The following MRC1 variants were observed in gnomAD, a reference collection of about 807,000 sequenced individuals.
The protein encoded by MRC1 is macrophage mannose receptor 1.
Under a neutral mutation model 102.9 loss-of-function variants are expected in MRC1, and 62 were observed. That is an observed-to-expected ratio of 0.60 (90% confidence interval 0.49 to 0.74). The LOEUF (loss-of-function observed/expected upper bound fraction) is 0.74. MRC1 is among the 30% of genes least tolerant of loss of function. MRC1 has a pLI of 0.00. For missense variants in MRC1, 1,237 were observed against 862.8 expected, an observed-to-expected ratio of 1.43 and a Z score of -5.43; for synonymous variants, 457 against 298.4, an observed-to-expected ratio of 1.53 and a Z score of -5.48.
intron 3 of MRC1, among the ~76,000 whole-genome samples, chr10:17,829,788 A>G (rs908217835): frequency 2.0e-5 from 3 of 151,510 alleles, no homozygotes; most frequent in Non-Finnish European, 4.4e-5. Flanking sequence ...AGTTAGATGA[A>G]TGTGTGATTT....
In MRC1 at chr10:17,878,090, A is replaced by T. The variant is rs1457705577; in HGVS notation, c.2618+123A>T. 9.0e-6 allele frequency: 6 copies of T among 670,134 alleles called. No homozygotes were observed. In the African/African-American group the frequency reaches 1.1e-4, roughly 12 times the overall value. The allele number at this position is 670,134 out of a possible 1,614,324, so 41.5% of individuals were successfully genotyped here. A position where few individuals can be genotyped will look rare whatever the true frequency, so the allele number is the denominator to read the frequency against. ...AAAATCCTACAGCATTCTCAATTGA[A>T]AAAGCAACTTGAAAAAAGGAATTTA... On this transcript the variant is annotated intron_variant, in intron 18 of 29. Transcript: ENST00000569591.
intron 8 of MRC1, among the ~76,000 whole-genome samples, chr10:17,854,029 G>A (rs1433809685): frequency 6.6e-6 from 1 of 152,068 alleles, no homozygotes; most frequent in Admixed American, 6.5e-5. Context: ...GTGCAGTGGT[G>A]CAATCTCAGC....
At chr10:17,829,499 T>A (rs1838536442) in intron 3 of MRC1, among the ~76,000 whole-genome samples, 1 of 151,542 alleles carries the variant, frequency 6.6e-6, no homozygotes, top group South Asian at 2.1e-4. Flanking sequence ...CTGAGGTAGT[T>A]CTATTTGTCT....
At chr10:17,839,262 A>T (rs2130623042) in intron 4 of MRC1, among the ~76,000 whole-genome samples, 1 of 152,370 alleles carries the variant, frequency 6.6e-6, no homozygotes, top group South Asian at 2.1e-4. Context: ...ATAGTAATTT[A>T]GTTACGCAGT....
rs1833114642 is a variant in MRC1, at chr10:17,857,684, G to C, written c.1518+1332G>C. ...GTTTGAGGCAGTGCTTTCCTTACCG[G>C]GCTGGGAAGACTAGGAAAGAAAAAA... On this transcript the variant is annotated intron_variant, in intron 9 of 29. Transcript: ENST00000569591. Among the ~76,000 whole-genome samples the C allele has an allele frequency of 2.0e-5, 3 of 152,118 alleles. No homozygotes were observed. In the South Asian group the frequency reaches 6.2e-4, roughly 32 times the overall value.
At chr10:17,894,614 G>C (rs1396289956) in intron 23 of MRC1, among the ~76,000 whole-genome samples, 1 of 151,808 alleles carries the variant, frequency 6.6e-6, no homozygotes, top group Non-Finnish European at 1.5e-5. Context: ...GCCCAGGCTG[G>C]TCTTGAACTC....
chr10:17,882,599 A>G (rs1410329338), intron 21 of MRC1, among the ~76,000 whole-genome samples: 1 of 152,214 alleles, frequency 6.6e-6, no homozygotes, highest in African/African-American at 2.4e-5. Context: ...TAAGAAAGGC[A>G]CTAGAAACAT....
rs993264048 is a variant in MRC1 at position 17,861,685 on chromosome 10, T to G, written c.1634+183T>G. Among the ~76,000 whole-genome samples the G allele has an allele frequency of 3.3e-3, 507 of 152,266 alleles. 4 individuals are homozygous for G. Among genetic ancestry groups the G allele is most frequent in the African/African-American group, 0.01 (435 of 41,560 alleles). On this transcript the variant is annotated intron_variant, in intron 10 of 29. Transcript: ENST00000569591. ...CTTCATTGCAAACATTACAAACCGT[T>G]TTTGCTAAATTTAGTAGTATAAAGC... is the stretch of plus-strand genomic sequence containing the variant.
intron 5 of MRC1, among the ~76,000 whole-genome samples, chr10:17,841,061 TC>T (rs1252914979): frequency 1.3e-5 from 2 of 152,228 alleles, no homozygotes; most frequent in African/African-American, 4.8e-5. Flanking sequence ...GTTTAAAGTT[TC>T]AGTTCTCAGA....
intron 8 of MRC1, among the ~76,000 whole-genome samples, chr10:17,855,868 A>G (rs1721895420): frequency 6.6e-6 from 1 of 152,050 alleles, no homozygotes; most frequent in South Asian, 2.1e-4. Flanking sequence ...ACAAGAAAAT[A>G]ACATCAAAGT....
At chr10:17,813,740 C>A (rs1214518038) in intron 1 of MRC1, among the ~76,000 whole-genome samples, 1 of 147,046 alleles carries the variant, frequency 6.8e-6, no homozygotes, top group African/African-American at 2.5e-5. Context: ...CTCTGTCATC[C>A]AGGCTGGAGT....
At chr10:17,907,503 T>C (rs781924560) in intron 27 of MRC1, 31 bp from the exon 28 acceptor site, 1 of 780,520 alleles carries the variant, frequency 1.3e-6, no homozygotes, top group South Asian at 1.3e-5. Flanking sequence ...ATATTTAACT[T>C]TTGTCTTTAT....
chr10:17,846,008 C>T (rs985234688), intron 6 of MRC1, among the ~76,000 whole-genome samples: 3 of 152,078 alleles, frequency 2.0e-5, no homozygotes, highest in Admixed American at 1.3e-4. Context: ...CTCCTGGGTT[C>T]GTGATTCTCC....
intron 3 of MRC1, among the ~76,000 whole-genome samples, chr10:17,830,898 A>AC (rs1308639149): frequency 6.6e-6 from 1 of 150,436 alleles, no homozygotes; most frequent in Non-Finnish European, 1.5e-5. Context: ...ATATATATAT[A>AC]TATTTTTGGA....
Position 17,900,945 on chromosome 10 carries a change from G to C in MRC1, c.3641G>C (p.Arg1214Thr), listed in dbSNP as rs1164887425. 3.2e-5 allele frequency: 25 copies of C among 780,502 alleles called. 1 individual carries two copies. The highest frequency in any genetic ancestry group is 6.0e-5 in the Non-Finnish European group (25 of 417,892). The allele number at this position is 780,502 out of a possible 1,614,324, so 48.3% of individuals were successfully genotyped here. ...GAAAGTTTTTACTTTCTCTGTAAAA[G>C]ATCAGATGGTAATTGAATATATAAA... is the stretch of plus-strand genomic sequence containing the variant. ...CNESFYFLCK[R>T]SDEIPATEPP... Residue 1214 changes from arginine to threonine, a missense_variant, in exon 25 of 30, where the codon AGA becomes ACA. Arg to Thr is a moderately conservative substitution (Grantham distance 71). Coordinates refer to ENST00000569591, the MANE Select transcript of MRC1 (RefSeq NM_002438.4).
intron 5 of MRC1, among the ~76,000 whole-genome samples, chr10:17,843,806 C>T (rs1439369598): frequency 9.2e-5 from 14 of 152,134 alleles, no homozygotes; most frequent in African/African-American, 3.4e-4. Flanking sequence ...TAGGTTATTA[C>T]CTGCTCCAGA....
At chr10:17,904,446 G>A (rs908060954) in intron 26 of MRC1, among the ~76,000 whole-genome samples, 12 of 152,120 alleles carry the variant, frequency 7.9e-5, no homozygotes, top group African/African-American at 2.7e-4. Flanking sequence ...TCAGCTCATC[G>A]CTTGCTGGAC....
chr10:17,841,188 T>G (rs1838744235), intron 5 of MRC1, among the ~76,000 whole-genome samples: 1 of 152,240 alleles, frequency 6.6e-6, no homozygotes, highest in South Asian at 2.1e-4. Flanking sequence ...TGCATTGACT[T>G]TGTCAACATC....
rs782610638 is a variant in MRC1, at chr10:17,840,730, A to G, written c.840A>G (p.Gly280=). The G allele has an allele frequency of 1.3e-6, 1 of 780,882 alleles. No individual in the cohort carries two copies. The highest frequency in any genetic ancestry group is 2.4e-5 in the East Asian group (1 of 41,258). 48.4% of individuals were successfully genotyped at this position (780,882 alleles called of 1,614,324 possible). ...TSSLTSGLWI[G]LNSLSFNSGW... is the part of the protein sequence containing the mutation. ...CCTTGACCTCAGGACTCTGGATTGG[A>G]CTTAACAGTCTGAGCTTCAACAGCG... The change falls in exon 5 of 30, where the codon GGA becomes GGG. Residue 280 remains glycine, a synonymous_variant. Coordinates refer to ENST00000569591, the MANE Select transcript of MRC1 (RefSeq NM_002438.4).
Sources: allele counts gnomAD v4.1 joint callset (sites outside exome capture counted in the v4.1 genomes callset), GRCh38; gene constraint gnomAD v4.1.1; transcripts MANE v1.5; gene names NCBI Gene and HGNC (gene_info 2026-07-23, HGNC 2026-07-21).